Variants in SVIL observed in about 807,000 individuals in gnomAD.
The protein encoded by SVIL is supervillin.
In SVIL, 101 loss-of-function variants were observed where a neutral mutation model predicts 240.4. The observed-to-expected ratio is 0.42, with a 90% confidence interval of 0.36 to 0.50. The LOEUF is 0.50. Ranked by LOEUF, SVIL falls within the 20% of genes least tolerant of loss-of-function variation. SVIL has a pLI of 0.01. For synonymous variants in SVIL, 999 were observed against 1,100.0 expected (o/e 0.91, Z 1.82); for missense variants, 2,512 against 2,818.7 (o/e 0.89, Z 2.46).
chr10:29,674,571 CA>C (rs980870638), intron 2 of SVIL, among the ~76,000 whole-genome samples: 3 of 152,174 alleles, frequency 2.0e-5, no homozygotes, highest in African/African-American at 7.2e-5. Flanking sequence ...TTATATTCCA[CA>C]AATAAATAAG....
At chr10:29,666,599 A>T (rs1263793760) in intron 2 of SVIL, among the ~76,000 whole-genome samples, 1 of 152,160 alleles carries the variant, frequency 6.6e-6, no homozygotes, top group East Asian at 1.9e-4. Context: ...GCTCAGTTTT[A>T]CTTAGTTTAC....
intron 2 of SVIL, among the ~76,000 whole-genome samples, chr10:29,684,404 A>G (rs1960897682): frequency 6.6e-6 from 1 of 152,164 alleles, no homozygotes; most frequent in Admixed American, 6.6e-5. Context: ...AATACATGGA[A>G]GGTATACACT....
intron 6 of SVIL, among the ~76,000 whole-genome samples, chr10:29,548,007 G>A (rs1394544861): frequency 6.6e-6 from 1 of 152,152 alleles, no homozygotes; most frequent in African/African-American, 2.4e-5. Context: ...TTCAAAATAT[G>A]AGACAGTAAC....
At chr10:29,569,156 C>G in intron 2 of SVIL, 99 bp downstream of exon 2, 1 of 487,992 alleles carries the variant, frequency 2.0e-6, no homozygotes, top group Non-Finnish European at 2.7e-6. Context: ...AACATATTGC[C>G]AAACATTTAA....
chr10:29,607,321 A>G (rs1957063860), intron 1 of SVIL, among the ~76,000 whole-genome samples: 1 of 152,192 alleles, frequency 6.6e-6, no homozygotes, highest in Non-Finnish European at 1.5e-5. Context: ...TGTGTAATGC[A>G]TTCAATAACT....
Position 29,463,620 on chromosome 10 carries a change from T to C in SVIL, c.6149A>G (p.Asp2050Gly). Reference protein sequence around the residue: ...SAPQPALFLVDNHHEVYLWQG... With the variant: ...SAPQPALFLVGNHHEVYLWQG... ...CCAGAGGTACACCTCGTGGTGATTG[T>C]CAACAAGGAAAAGTGCTGTGAGGGC... The change falls in exon 35 of 38, where the codon GAC becomes GGC. Residue 2050 changes from aspartate to glycine, a missense_variant. This residue lies in a region of SVIL where 797 missense variants were observed against 925.3 expected (regional missense o/e 0.86). Coordinates refer to ENST00000355867, the MANE Select transcript of SVIL (RefSeq NM_021738.3). 1 of 1,614,044 alleles carries C rather than the reference T, an allele frequency of 6.2e-7. No homozygotes were observed. The highest frequency in any genetic ancestry group is 8.5e-7 in the Non-Finnish European group (1 of 1,179,986).
intron 16 of SVIL, among the ~76,000 whole-genome samples, 193 bp from the exon 17 acceptor site, chr10:29,513,054 C>T (rs77697704): frequency 2.1e-3 from 316 of 152,288 alleles, no homozygotes; most frequent in African/African-American, 6.8e-3. Flanking sequence ...TAAGATGGCC[C>T]GAAGATTTTA....
Position 29,499,099 on chromosome 10 carries a change from G to GAC in SVIL, c.3664+15_3664+16dup, listed in dbSNP as rs753357434. 12 of 1,587,832 alleles carry GAC rather than the reference G, an allele frequency of 7.6e-6. No individual in the cohort carries two copies. The highest frequency in any genetic ancestry group is 4.5e-5 in the East Asian group (2 of 44,828). ...GCATTGTGCACACACCACACACATG[G>GAC]ACACACACACACTGACCTTTCTTCA... is the stretch of plus-strand genomic sequence containing the variant. On this transcript the variant is annotated intron_variant, in intron 18 of 37. Transcript: ENST00000355867.
chr10:29,670,897 G>A (rs2075844624), intron 2 of SVIL: 1 of 152,162 alleles, frequency 6.6e-6, no homozygotes, highest in African/African-American at 2.4e-5. Context: ...TGTTTTGATT[G>A]GAGTAACTGT....
chr10:29,729,110 G>T (rs1461411134), intron 1 of SVIL, among the ~76,000 whole-genome samples: 1 of 152,090 alleles, frequency 6.6e-6, no homozygotes, highest in Non-Finnish European at 1.5e-5. Context: ...AGCAAAGGAG[G>T]TCCCCCTCCC....
intron 12 of SVIL, among the ~76,000 whole-genome samples, chr10:29,527,343 T>C (rs1016474392): frequency 6.6e-6 from 1 of 152,156 alleles, no homozygotes; most frequent in Non-Finnish European, 1.5e-5. Flanking sequence ...AAAAAAATAA[T>C]AATTCAAAAA....
At chr10:29,465,333 G>A (rs1944780247) in intron 34 of SVIL, among the ~76,000 whole-genome samples, 1 of 152,180 alleles carries the variant, frequency 6.6e-6, no homozygotes. Context: ...CCGCTGTGGT[G>A]CTCAACCTGT....
At position 29,488,745 on chromosome 10, in the gene SVIL, A is replaced by G; in HGVS notation, c.4204T>C (p.Ser1402Pro). The G allele has an allele frequency of 6.2e-7, 1 of 1,612,354 alleles. No homozygotes were observed. The highest frequency in any genetic ancestry group is 8.5e-7 in the Non-Finnish European group (1 of 1,179,418). Residue 1402 changes from serine (S) to proline (P), a missense_variant, in exon 23 of 38, where the codon TCC becomes CCC. By Grantham distance (74) the Ser-to-Pro change is moderately conservative (BLOSUM62 -1). Around this residue, in one of 3 missense-constraint regions of SVIL, gnomAD observed 272 missense variants for 406.8 expected, o/e 0.67. Coordinates refer to ENST00000355867, the MANE Select transcript of SVIL (RefSeq NM_021738.3). Reference protein sequence around the residue: ...RMKVEKMSSNSNFSEVTLAGL... With the variant: ...RMKVEKMSSNPNFSEVTLAGL... ...GCCAGGGTGACTTCTGAGAAGTTGGAGTTGGAAGACACTGGGCACGTTGAA... is the reference window on the plus strand; with the variant it reads ...GCCAGGGTGACTTCTGAGAAGTTGGGGTTGGAAGACACTGGGCACGTTGAA...
intron 10 of SVIL, 107 bp from the exon 11 acceptor site, chr10:29,530,775 G>T: frequency 8.3e-7 from 1 of 1,198,356 alleles, no homozygotes; most frequent in Non-Finnish European, 1.2e-6. Context: ...ACAACAATAG[G>T]TGCACTAAAA....
chr10:29,506,675 C>CCTTACGAGGGAGGGGACAGAGGG (rs1564534936), intron 17 of SVIL, among the ~76,000 whole-genome samples: 2 of 111,970 alleles, frequency 1.8e-5, no homozygotes, highest in South Asian at 5.6e-4. Flanking sequence ...GGGACAGAGG[C>CCTTACGAGGGAGGGGACAGAGGG]CCTATGAGGG....
intron 17 of SVIL, among the ~76,000 whole-genome samples, chr10:29,503,175 A>G (rs1014314588): frequency 6.6e-6 from 1 of 152,210 alleles, no homozygotes; most frequent in African/African-American, 2.4e-5. Flanking sequence ...AATTCTACAC[A>G]CTATGAAAGA....
intron 6 of SVIL, among the ~76,000 whole-genome samples, chr10:29,538,760 CTTTG>C (rs1333041370): frequency 1.3e-5 from 2 of 152,204 alleles, no homozygotes; most frequent in African/African-American, 4.8e-5. Context: ...TTAATGTTTC[CTTTG>C]TTTTTCTGAC....
At chr10:29,702,366 T>C (rs1023871351) in intron 1 of SVIL, among the ~76,000 whole-genome samples, 7 of 151,878 alleles carry the variant, frequency 4.6e-5, no homozygotes, top group Admixed American at 3.3e-4. Context: ...AGCATTTATA[T>C]GTCTCACTGG....
chr10:29,531,148 CT>C, intron 10 of SVIL, 105 bp downstream of exon 10: 2 of 1,071,402 alleles, frequency 1.9e-6, no homozygotes, highest in South Asian at 2.9e-5. Flanking sequence ...AAGGGAGACA[CT>C]GTTATGCTCC....
Sources: gnomAD v4.1 joint callset for allele counts (sites outside exome capture counted in the v4.1 genomes callset) on GRCh38, gnomAD v4.1.1 for gene constraint, gnomAD v4.1.1 regional missense constraint, MANE v1.5 for transcripts, NCBI Gene and HGNC (gene_info 2026-07-23, HGNC 2026-07-21) for gene names.